The following WASHC2C variants were observed in gnomAD, a reference collection of about 807,000 sequenced individuals.
WASHC2C encodes Vaccinia Penetration Factor.
WASHC2C carries 73 observed loss-of-function variants against 142.2 expected under a neutral mutation model. The ratio of observed to expected loss-of-function variants is 0.51; its 90% CI spans 0.43 to 0.62. The LOEUF (loss-of-function observed/expected upper bound fraction) is 0.62, where lower values mean the gene tolerates loss of function less well. Ranked by LOEUF, WASHC2C falls within the 20% of genes least tolerant of loss-of-function variation. The pLI is 0.00. For missense variants in WASHC2C, 969 were observed against 1,531.7 expected (o/e 0.63, Z 6.13); for synonymous variants, 337 against 565.5 (o/e 0.60, Z 5.73).
At chr10:45,775,693 T>C (rs2057006862) in intron 21 of WASHC2C, among the ~76,000 whole-genome samples, 1 of 151,808 alleles carries the variant, frequency 6.6e-6, no homozygotes, top group Non-Finnish European at 1.5e-5. Context: ...TTTTTTTTTT[T>C]TTTTTTTGAG....
chr10:45,769,444 T>G lies in WASHC2C; in HGVS notation c.1870-5T>G. 6.2e-7 allele frequency: 1 copy of G among 1,609,030 alleles called. No individual in the cohort carries two copies. The highest frequency in any genetic ancestry group is 8.5e-7 in the Non-Finnish European group (1 of 1,178,448). The stretch of plus-strand genomic sequence containing the variant: ...GGAGTTTTAATATATATTTTATGTT[T>G]TAAGGACCAGTGGAATATTCCTGCT... On this transcript the variant is annotated splice_region_variant and splice_polypyrimidine_tract_variant and intron_variant, in intron 19 of 30. Transcript: ENST00000623400.
At chr10:45,730,250 G>A (rs2050387392) in intron 3 of WASHC2C, among the ~76,000 whole-genome samples, 1 of 129,606 alleles carries the variant, frequency 7.7e-6, no homozygotes, top group South Asian at 2.7e-4. Context: ...GGAAGGCTGA[G>A]GCAGGAGAAT....
chr10:45,784,275 T>TACAC (rs1365947897), intron 23 of WASHC2C, among the ~76,000 whole-genome samples: 4 of 7,358 alleles, frequency 5.4e-4, no homozygotes, highest in Admixed American at 2.7e-3. Context: ...TATATATATA[T>TACAC]ATATATATAT....
chr10:45,747,044 C>G (rs2052920558), intron 8 of WASHC2C, among the ~76,000 whole-genome samples: 1 of 152,180 alleles, frequency 6.6e-6, no homozygotes. Context: ...GCACGGTTAT[C>G]TTAATTTTTG....
chr10:45,780,718 A>G lies in WASHC2C; in HGVS notation c.2478+1583A>G, dbSNP rs373858874. Among the ~76,000 whole-genome samples, 54 of 151,006 alleles carry G rather than the reference A, an allele frequency of 3.6e-4. No individual in the cohort carries two copies. The East Asian group carries it at 0.01, about 29-fold the overall frequency. On this transcript the variant is annotated intron_variant, in intron 23 of 30. Coordinates refer to ENST00000623400, the MANE Select transcript of WASHC2C (RefSeq NM_001330074.2). ...GTAGTTCTGTAAGCTAGTAATGAAC[A>G]TTTACTAACTTACAAAAGTTACTAC...
intron 25 of WASHC2C, among the ~76,000 whole-genome samples, chr10:45,785,259 A>G (rs558897086): frequency 4.8e-4 from 73 of 152,186 alleles, no homozygotes; most frequent in East Asian, 7.7e-4. Context: ...TAGCCTTTCT[A>G]TGTCATTTTC....
chr10:45,743,801 T>C (rs2134358828), intron 6 of WASHC2C, among the ~76,000 whole-genome samples: 1 of 148,178 alleles, frequency 6.7e-6, no homozygotes, highest in Non-Finnish European at 1.5e-5. Flanking sequence ...CAGGCTGGAG[T>C]GCAGTGGTGC....
chr10:45,751,932 G>C (rs778305023), intron 11 of WASHC2C, among the ~76,000 whole-genome samples: 2 of 152,146 alleles, frequency 1.3e-5, no homozygotes, highest in Non-Finnish European at 2.9e-5. Context: ...AGCCTTGATC[G>C]CGCCACTGCA....
In WASHC2C at chr10:45,752,634, C is replaced by G. The variant is rs558410033; in HGVS notation, c.1050C>G (p.Asp350Glu). 2.5e-6 allele frequency: 4 copies of G among 1,609,618 alleles called. No homozygotes were observed. The highest frequency in any genetic ancestry group is 2.5e-6 in the Non-Finnish European group (3 of 1,178,906). The change falls in exon 12 of 31, where the codon GAC becomes GAG. Residue 350 changes from aspartate (D) to glutamate (E), a missense_variant. Coordinates refer to ENST00000623400, the MANE Select transcript of WASHC2C (RefSeq NM_001330074.2). ...LFAPPKLTDE[D>E]FSPFGSGGGL... ...CACCCCCCAAGCTGACCGACGAGGA[C>G]TTCTCGCCATTTGGCTCTGGAGGTG...
intron 8 of WASHC2C, among the ~76,000 whole-genome samples, chr10:45,747,105 A>T (rs2052928643): frequency 6.6e-6 from 1 of 152,208 alleles, no homozygotes; most frequent in Non-Finnish European, 1.5e-5. Flanking sequence ...ATTTTCTGCC[A>T]TTTTATGTTA....
chr10:45,789,226 C>T lies in WASHC2C; in HGVS notation c.3443C>T (p.Thr1148Ile). 6.2e-7 allele frequency: 1 copy of T among 1,612,052 alleles called. No homozygotes were observed. The highest frequency in any genetic ancestry group is 1.1e-5 in the South Asian group (1 of 90,994). The change falls in exon 29 of 31, where the codon ACA becomes ATA. Residue 1148 changes from threonine to isoleucine, a missense_variant. Transcript: ENST00000623400. ...ACTGGATCTCAGTCCGTGGAGAGAA[C>T]AAAACCCAAGGCAAAGATAGCAGAG... ...TGTGSQSVER[T>I]KPKAKIAENP...
At chr10:45,737,874 A>T in intron 3 of WASHC2C, 109 bp from the exon 4 acceptor site, 1 of 1,609,162 alleles carries the variant, frequency 6.2e-7, no homozygotes, top group Non-Finnish European at 8.5e-7. Context: ...TTGCTGAATA[A>T]CCATTTCCTT....
chr10:45,750,799 A>G lies in WASHC2C; in HGVS notation c.892A>G (p.Lys298Glu). Reference protein sequence around the residue: ...SFADELAARIKGDAMGRVDEE... With the variant: ...SFADELAARIEGDAMGRVDEE... ...TGCAGATGAGCTGGCTGCCCGCATCAAGGGGGATGCCATGGGTCGAGTGGA... is the reference window on the plus strand; with the variant it reads ...TGCAGATGAGCTGGCTGCCCGCATCGAGGGGGATGCCATGGGTCGAGTGGA... The change falls in exon 10 of 31, where the codon AAG (lysine) becomes GAG (glutamate). Residue 298 changes from lysine to glutamate, a missense_variant. Coordinates refer to ENST00000623400, the MANE Select transcript of WASHC2C (RefSeq NM_001330074.2). 6.5e-7 allele frequency: 1 copy of G among 1,548,924 alleles called. No homozygotes were observed. The highest frequency in any genetic ancestry group is 8.7e-7 in the Non-Finnish European group (1 of 1,147,142).
At chr10:45,759,499 T>C in intron 17 of WASHC2C, 98 bp downstream of exon 17, 2 of 1,375,850 alleles carry the variant, frequency 1.5e-6, no homozygotes, top group East Asian at 2.6e-5. Context: ...TATAAGACTT[T>C]TTGTTAAGTA....
At position 45,755,050 on chromosome 10, in the gene WASHC2C, A is replaced by C; in HGVS notation, c.1355A>C (p.Asp452Ala). Residue 452 changes from aspartate (D) to alanine (A), a missense_variant, in exon 15 of 31, where the codon GAT (aspartate) becomes GCT (alanine). Physicochemically the swap from Asp to Ala is moderately radical, Grantham distance 126. Transcript: ENST00000623400. ...GGTCCCCCTCCCACTGGCCTCTTTGATGATGATGATGGTGATGATGATGAC... is the reference window on the plus strand; with the variant it reads ...GGTCCCCCTCCCACTGGCCTCTTTGCTGATGATGATGGTGATGATGATGAC... ...PYGPPPTGLFDDDDGDDDDDF... is the reference protein window; with the variant it reads ...PYGPPPTGLFADDDGDDDDDF... 1 of 1,611,636 alleles carries C rather than the reference A, an allele frequency of 6.2e-7. No homozygotes were observed. Among genetic ancestry groups the C allele is most frequent in the Non-Finnish European group, 8.5e-7 (1 of 1,179,788 alleles).
chr10:45,762,366 CCA>C (rs1554880343), intron 17 of WASHC2C, among the ~76,000 whole-genome samples: 1 of 151,910 alleles, frequency 6.6e-6, no homozygotes, highest in Non-Finnish European at 1.5e-5. Context: ...GCACCCACCA[CCA>C]CACCTGGCTA....
chr10:45,749,838 T>A (rs11239601), intron 8 of WASHC2C, among the ~76,000 whole-genome samples: 10,159 of 59,300 alleles, frequency 0.17, 531 homozygotes, highest in East Asian at 0.33. Flanking sequence ...AAAAAAAAAA[T>A]ATATATATAT....
chr10:45,753,343 G>A lies in WASHC2C; in HGVS notation c.1180+106G>A, dbSNP rs1256476460. 2.6e-6 allele frequency: 3 copies of A among 1,172,206 alleles called. 1 individual carries two copies. Among genetic ancestry groups the A allele is most frequent in the Non-Finnish European group, 3.6e-6 (3 of 841,068 alleles). 72.6% of individuals were successfully genotyped at this position (1,172,206 alleles called of 1,614,324 possible). ...TTCCCAAGCCTTGTTTCTGTGTCAA[G>A]CAAGAAGCTGTTGTTTTTACTGCGG... On this transcript the variant is annotated intron_variant, in intron 13 of 30. Coordinates refer to ENST00000623400, the MANE Select transcript of WASHC2C (RefSeq NM_001330074.2).
chr10:45,747,959 A>C (rs2053055257), intron 8 of WASHC2C, among the ~76,000 whole-genome samples: 1 of 125,350 alleles, frequency 8.0e-6, no homozygotes, highest in South Asian at 2.6e-4. Flanking sequence ...AGTTATGTTA[A>C]TAACTCTTAA....
Sources: allele counts gnomAD v4.1 joint callset (sites outside exome capture counted in the v4.1 genomes callset), GRCh38; gene constraint gnomAD v4.1.1; transcripts MANE v1.5; gene names NCBI Gene and HGNC (gene_info 2026-07-23, HGNC 2026-07-21).